Variants in MTRF1 observed in about 807,000 individuals in gnomAD.
The protein encoded by MTRF1 is mitochondrial translation release factor 1, also known as peptide chain release factor 1, mitochondrial.
Under a neutral mutation model 62.9 loss-of-function variants are expected in MTRF1, and 51 were observed. The ratio of observed to expected loss-of-function variants is 0.81; its 90% CI spans 0.65 to 1.02. The LOEUF (loss-of-function observed/expected upper bound fraction) is 1.02, where lower values mean the gene tolerates loss of function less well. MTRF1 is among the 50% of genes least tolerant of loss of function. The pLI is 0.00. For missense variants in MTRF1, 446 were observed against 530.0 expected (o/e 0.84, Z 1.56); for synonymous variants, 158 against 181.9 (o/e 0.87, Z 1.06).
chr13:41,305,759 G>A, the MTRF1 span, among the ~76,000 whole-genome samples: 1 of 152,172 alleles, frequency 6.6e-6, no homozygotes, highest in Admixed American at 6.5e-5. Context: ...CTGTTCAATT[G>A]TCATTATCAC....
Position 41,231,830 on chromosome 13 carries a change from G to A in MTRF1, c.988+2060C>T, listed in dbSNP as rs147255384. On this transcript the variant is annotated intron_variant, in intron 7 of 9. Coordinates refer to ENST00000379480, the MANE Select transcript of MTRF1 (RefSeq NM_004294.4). ...CTGAGGCAGGCAGATCACTTGAGCCGAGGAGTTGGAGACCAGCTTGGGCAA... is the reference window on the plus strand; with the variant it reads ...CTGAGGCAGGCAGATCACTTGAGCCAAGGAGTTGGAGACCAGCTTGGGCAA... Among the ~76,000 whole-genome samples the A allele has an allele frequency of 3.5e-3, 526 of 150,128 alleles. 2 individuals carry two copies. The highest frequency in any genetic ancestry group is 6.7e-3 in the Non-Finnish European group (455 of 67,750).
At chr13:41,266,554 G>A (rs2040841363), upstream of MTRF1, among the ~76,000 whole-genome samples, 1 of 152,204 alleles carries the variant, frequency 6.6e-6, no homozygotes, top group Non-Finnish European at 1.5e-5. Flanking sequence ...AGAGGCTGCA[G>A]TGAGCTATGG....
At chr13:41,233,501 A>G (rs1489418823) in intron 7 of MTRF1, among the ~76,000 whole-genome samples, 4 of 152,230 alleles carry the variant, frequency 2.6e-5, no homozygotes, top group Non-Finnish European at 5.9e-5. Context: ...AAAATTACCA[A>G]TATTCAAAAT....
intron 9 of MTRF1, among the ~76,000 whole-genome samples, chr13:41,219,785 G>A (rs964482775): frequency 2.0e-5 from 3 of 152,086 alleles, no homozygotes; most frequent in Non-Finnish European, 2.9e-5. Flanking sequence ...GATCACTTGA[G>A]GTCGGGAATT....
At chr13:41,255,582 C>G (rs2039603700) in intron 2 of MTRF1, among the ~76,000 whole-genome samples, 1 of 152,076 alleles carries the variant, frequency 6.6e-6, no homozygotes, top group Non-Finnish European at 1.5e-5. Flanking sequence ...CCCCTAGCTA[C>G]TCGGGAGGCT....
chr13:41,309,341 AGTGTGTGTGTGTGT>A, the MTRF1 span, among the ~76,000 whole-genome samples: 18 of 135,662 alleles, frequency 1.3e-4, no homozygotes, highest in South Asian at 2.5e-4. Context: ...ATGCCCAGCT[AGTGTGTGTGTGTGT>A]GTGTGTGTGT....
At chr13:41,307,066 A>G in the MTRF1 span, among the ~76,000 whole-genome samples, 1 of 152,180 alleles carries the variant, frequency 6.6e-6, no homozygotes, top group Non-Finnish European at 1.5e-5. Context: ...TACATCTTTT[A>G]TACACATAAG....
intron 1 of MTRF1, chr13:41,262,353 A>AG (rs1260406400): frequency 2.0e-5 from 3 of 150,686 alleles, no homozygotes; most frequent in East Asian, 1.9e-4. Context: ...AAAAAAAAAA[A>AG]AAAAGAAACA....
At chr13:41,239,510 G>A (rs1041756666) in intron 6 of MTRF1, among the ~76,000 whole-genome samples, 1 of 151,736 alleles carries the variant, frequency 6.6e-6, no homozygotes, top group Non-Finnish European at 1.5e-5. Context: ...ACTGACCTCA[G>A]GTGAAGGTTA....
the MTRF1 span, among the ~76,000 whole-genome samples, chr13:41,299,207 A>AAG: frequency 6.6e-6 from 1 of 151,620 alleles, no homozygotes; most frequent in Non-Finnish European, 1.5e-5. Flanking sequence ...AGAAAAAAAA[A>AAG]AGAGAGAGAG....
At chr13:41,265,355 A>T (rs2040812520), upstream of MTRF1, among the ~76,000 whole-genome samples, 1 of 151,686 alleles carries the variant, frequency 6.6e-6, no homozygotes, top group Non-Finnish European at 1.5e-5. Flanking sequence ...CAGGAGACAG[A>T]GGTGGCAGTG....
chr13:41,294,551 A>G, the MTRF1 span, among the ~76,000 whole-genome samples: 1 of 152,152 alleles, frequency 6.6e-6, no homozygotes, highest in Non-Finnish European at 1.5e-5. Context: ...AGAACCGGTA[A>G]GTAGGAGAGT....
At position 41,258,569 on chromosome 13, in the gene MTRF1, A is replaced by C. The variant is rs572774723; in HGVS notation, c.415+1924T>G. Among the ~76,000 whole-genome samples, 580 of 83,932 alleles carry C rather than the reference A, an allele frequency of 6.9e-3. 5 individuals carry two copies. The highest frequency in any genetic ancestry group is 0.025 in the African/African-American group (550 of 21,790). 55.1% of individuals were successfully genotyped at this position (83,932 alleles called of 152,430 possible). Reference sequence around the variant, plus strand: ...TGAGTGAGGGACCATCTCTTAAAAAAAAAAACAAAAAAAAAAAACATAAAA... The same window carrying C: ...TGAGTGAGGGACCATCTCTTAAAAACAAAAACAAAAAAAAAAAACATAAAA... On this transcript the variant is annotated intron_variant, in intron 2 of 9. Transcript: ENST00000379480.
chr13:41,302,355 G>C, the MTRF1 span, among the ~76,000 whole-genome samples: 44 of 151,958 alleles, frequency 2.9e-4, no homozygotes, highest in African/African-American at 9.9e-4. Flanking sequence ...GGTGCTTCTG[G>C]AAACAGGATC....
chr13:41,234,633 C>A (rs2138860446), intron 6 of MTRF1, among the ~76,000 whole-genome samples: 1 of 152,288 alleles, frequency 6.6e-6, no homozygotes, highest in South Asian at 2.1e-4. Context: ...ATTGTTGATT[C>A]TCATTATTGT....
intron 6 of MTRF1, among the ~76,000 whole-genome samples, chr13:41,234,360 G>T (rs950703007): frequency 6.6e-6 from 1 of 152,126 alleles, no homozygotes; most frequent in African/African-American, 2.4e-5. Context: ...AAAATTTCTT[G>T]TACAGATGGG....
chr13:41,292,566 G>C, the MTRF1 span, among the ~76,000 whole-genome samples: 202 of 144,302 alleles, frequency 1.4e-3, no homozygotes, highest in African/African-American at 5.2e-3. Flanking sequence ...GGGCGACAGA[G>C]GGAGATTCTG....
At chr13:41,235,748 A>AG (rs2036390516) in intron 6 of MTRF1, 1 of 160,102 alleles carries the variant, frequency 6.2e-6, no homozygotes, top group Non-Finnish European at 1.4e-5. Flanking sequence ...TCTGGCTGCT[A>AG]GAACTGTGAA....
At chr13:41,285,347 T>C in the MTRF1 span, among the ~76,000 whole-genome samples, 5 of 152,220 alleles carry the variant, frequency 3.3e-5, no homozygotes, top group African/African-American at 1.2e-4. Context: ...TGTCTTCCAG[T>C]AAACTTTTAT....
Sources: gnomAD v4.1 joint callset for allele counts (sites outside exome capture counted in the v4.1 genomes callset) on GRCh38, gnomAD v4.1.1 for gene constraint, MANE v1.5 for transcripts, NCBI Gene and HGNC (gene_info 2026-07-23, HGNC 2026-07-21) for gene names.